The following RIPOR1 variants were observed in gnomAD, a reference collection of about 807,000 sequenced individuals.
The protein encoded by RIPOR1 is RHO family interacting cell polarization regulator 1.
A neutral mutation model predicts 116.5 loss-of-function variants in RIPOR1; 58 were observed. The ratio of observed to expected loss-of-function variants is 0.50; its 90% confidence interval spans 0.40 to 0.62. The LOEUF is 0.62. RIPOR1 is among the 20% of genes least tolerant of loss of function. The pLI is 0.00. For synonymous variants in RIPOR1, 605 were observed against 650.0 expected, an observed-to-expected ratio of 0.93 and a Z score of 1.05; for missense variants, 1,372 against 1,586.2, an observed-to-expected ratio of 0.86 and a Z score of 2.29.
rs1388710313 is a variant in RIPOR1 at position 67,537,832 on chromosome 16, C to T, written c.-23-592C>T. ...CATCGCGCCCAGCTCTGGGAATCCCCCTGCCTGGAGGGCGCCGGGACGCCC... is the reference window on the plus strand; with the variant it reads ...CATCGCGCCCAGCTCTGGGAATCCCTCTGCCTGGAGGGCGCCGGGACGCCC... On this transcript the variant is annotated intron_variant, in intron 1 of 21. Coordinates refer to ENST00000042381, the MANE Select transcript of RIPOR1 (RefSeq NM_024519.4). The surrounding 1 kb of genome is among the most constrained non-coding windows in gnomAD (Gnocchi z 4.6). Among the ~76,000 whole-genome samples the T allele has an allele frequency of 2.0e-5, 3 of 151,974 alleles. No homozygotes were observed. The East Asian group carries it at 5.9e-4, about 30-fold the overall frequency.
At chr16:67,534,835 C>CTTTTTTTTTTTT (rs553858194) in intron 1 of RIPOR1, among the ~76,000 whole-genome samples, 4 of 79,022 alleles carry the variant, frequency 5.1e-5, no homozygotes, top group African/African-American at 1.1e-4. Context: ...TTCTTTTTTT[C>CTTTTTTTTTTTT]TTTTTTTTTT....
chr16:67,543,577 C>G lies in RIPOR1; in HGVS notation c.2600+108C>G. ...ATTGGGAGAAAGTCAAAGGACAGGA[C>G]AGGTGAGGCAGGGCCAGGTGGAGCA... On this transcript the variant is annotated intron_variant, in intron 14 of 21. Coordinates refer to ENST00000042381, the MANE Select transcript of RIPOR1 (RefSeq NM_024519.4). The surrounding 1 kb of genome is among the most constrained non-coding windows in gnomAD (Gnocchi z 4.7). 1 of 1,466,706 alleles carries G rather than the reference C, an allele frequency of 6.8e-7. No individual in the cohort carries two copies. Among genetic ancestry groups the G allele is most frequent in the Non-Finnish European group, 9.2e-7 (1 of 1,091,966 alleles). 90.9% of individuals were successfully genotyped at this position (1,466,706 alleles called of 1,614,324 possible).
intron 1 of RIPOR1, chr16:67,538,156 A>AC (rs2050854104): frequency 5.5e-6 from 2 of 363,742 alleles, no homozygotes; most frequent in Admixed American, 4.7e-5. Context: ...TCCCCGCGCG[A>AC]CCCCCCTTCC....
chr16:67,541,317 G>A lies in RIPOR1; in HGVS notation c.802-113G>A, dbSNP rs77270003. On this transcript the variant is annotated intron_variant, in intron 10 of 21. Transcript: ENST00000042381. The surrounding 1 kb of genome is among the most constrained non-coding windows in gnomAD (Gnocchi z 4.6). ...ACTCCTGGCCTTAAGTGATCCTCCTGCCTCAGCCTCCCATGACCATTTTAT... is the reference window on the plus strand; with the variant it reads ...ACTCCTGGCCTTAAGTGATCCTCCTACCTCAGCCTCCCATGACCATTTTAT... 0.075 allele frequency: 88,217 copies of A among 1,183,292 alleles called. 4,006 individuals are homozygous for A. Among genetic ancestry groups the A allele is most frequent in the Middle Eastern group, 0.092 (306 of 3,336 alleles). 73.3% of individuals were successfully genotyped at this position (1,183,292 alleles called of 1,614,324 possible).
chr16:67,539,078 G>A lies in RIPOR1; in HGVS notation c.336+10G>A, dbSNP rs1300769772. 1.2e-6 allele frequency: 2 copies of A among 1,610,740 alleles called. No individual in the cohort carries two copies. Among genetic ancestry groups the A allele is most frequent in the Admixed American group, 1.7e-5 (1 of 58,932 alleles). ...GAGGAATTCCCGCTTGGTGAGTGGCGGGAGGTACGGATGCCCTTTGCCTCT... is the reference window on the plus strand; with the variant it reads ...GAGGAATTCCCGCTTGGTGAGTGGCAGGAGGTACGGATGCCCTTTGCCTCT... On this transcript the variant is annotated intron_variant, in intron 4 of 21. Transcript: ENST00000042381.
chr16:67,545,952 C>T lies in RIPOR1; in HGVS notation c.3391C>T (p.Leu1131Phe), dbSNP rs755848972. 2 of 1,614,060 alleles carry T rather than the reference C, an allele frequency of 1.2e-6. No individual in the cohort carries two copies. The highest frequency in any genetic ancestry group is 1.7e-6 in the Non-Finnish European group (2 of 1,179,976). The change falls in exon 20 of 22, where the codon CTC becomes TTC. Residue 1131 changes from leucine (L) to phenylalanine (F), a missense_variant. Transcript: ENST00000042381. This position sits in a 1 kb window ranked among gnomAD's most constrained non-coding sequence, Gnocchi z 4.8. ...SLGPTFRERA[L>F]LCFLDQLEDE... ...CTGTCCTCCCACCCTTCCACAGGCC[C>T]TCCTGTGCTTCCTGGACCAGCTGGA...
chr16:67,533,121 G>A (rs959025660), intron 1 of RIPOR1, among the ~76,000 whole-genome samples: 1 of 152,182 alleles, frequency 6.6e-6, no homozygotes, highest in Admixed American at 6.5e-5. Context: ...CATCCAGGAC[G>A]ACTTCTAGTT....
chr16:67,534,125 A>C (rs994323812), intron 1 of RIPOR1, among the ~76,000 whole-genome samples: 8 of 144,800 alleles, frequency 5.5e-5, no homozygotes, highest in Admixed American at 3.5e-4. Flanking sequence ...GGGCTGAGTC[A>C]TTTCTTTTTT....
Position 67,545,037 on chromosome 16 carries a change from C to T in RIPOR1, c.2951C>T (p.Pro984Leu), listed in dbSNP as rs781312153. ...GAGAGACTCAGCTGCTTCCTCTGCC[C>T]GGTGGAGCGGGTGCTTCTCACCTTC... ...CTERLSCFLCPVERVLLTFCN... is the reference protein window; with the variant it reads ...CTERLSCFLCLVERVLLTFCN... Residue 984 changes from proline to leucine, a missense_variant, in exon 17 of 22, where the codon CCG becomes CTG. Coordinates refer to ENST00000042381, the MANE Select transcript of RIPOR1 (RefSeq NM_024519.4). The surrounding 1 kb of genome is among the most constrained non-coding windows in gnomAD (Gnocchi z 4.8). 6.2e-6 allele frequency: 10 copies of T among 1,613,430 alleles called. No individual in the cohort carries two copies. Among genetic ancestry groups the T allele is most frequent in the Non-Finnish European group, 7.6e-6 (9 of 1,180,038 alleles).
In RIPOR1 at chr16:67,546,704, T is replaced by G; in HGVS notation, c.*241T>G. ...ATCAGTGTCTGGGGCTTGGCCACCCTGCCGCTGCCCAGCCACATCCCTTGG... is the reference window on the plus strand; with the variant it reads ...ATCAGTGTCTGGGGCTTGGCCACCCGGCCGCTGCCCAGCCACATCCCTTGG... On this transcript the variant is annotated 3_prime_UTR_variant, in exon 22 of 22. Coordinates refer to ENST00000042381, the MANE Select transcript of RIPOR1 (RefSeq NM_024519.4). 1.8e-6 allele frequency: 1 copy of G among 566,080 alleles called. No individual in the cohort carries two copies. The highest frequency in any genetic ancestry group is 1.9e-5 in the African/African-American group (1 of 53,370). The allele number at this position is 566,080 out of a possible 1,614,324, so 35.1% of individuals were successfully genotyped here.
In RIPOR1 at chr16:67,540,603, C is replaced by T. The variant is rs773208639; in HGVS notation, c.700C>T (p.Arg234Cys). ...GATCTGCATGAAATATGGGCGTCAG[C>T]GCTGGAAACTACGGGGCCGAATTGA... ...YEICMKYGRQ[R>C]WKLRGRIEGS... The change falls in exon 10 of 22, where the codon CGC becomes TGC. Residue 234 changes from arginine (R) to cysteine (C), a missense_variant. Coordinates refer to ENST00000042381, the MANE Select transcript of RIPOR1 (RefSeq NM_024519.4). The surrounding 1 kb of genome is among the most constrained non-coding windows in gnomAD (Gnocchi z 4.7). The T allele has an allele frequency of 6.2e-6, 10 of 1,613,778 alleles. No homozygotes were observed. Among genetic ancestry groups the T allele is most frequent in the African/African-American group, 5.3e-5 (4 of 74,884 alleles).
At chr16:67,538,099 C>A (rs1396253164) in intron 1 of RIPOR1, 2 of 282,922 alleles carry the variant, frequency 7.1e-6, no homozygotes, top group Non-Finnish European at 1.3e-5. Context: ...TCCGCACATT[C>A]TTCGCGCGCG....
Position 67,544,899 on chromosome 16 carries a change from C to G in RIPOR1, c.2870-57C>G. 6.2e-7 allele frequency: 1 copy of G among 1,602,496 alleles called. No homozygotes were observed. Among genetic ancestry groups the G allele is most frequent in the Non-Finnish European group, 8.5e-7 (1 of 1,173,352 alleles). On this transcript the variant is annotated intron_variant, in intron 16 of 21. Transcript: ENST00000042381. The surrounding 1 kb of genome is among the most constrained non-coding windows in gnomAD (Gnocchi z 5.1). Reference sequence around the variant, plus strand: ...TCCTACCTCAGCCTACTGCCATCTGCATGCTCTCTACTCACCTGCCTGCCT... The same window carrying G: ...TCCTACCTCAGCCTACTGCCATCTGGATGCTCTCTACTCACCTGCCTGCCT...
Position 67,543,743 on chromosome 16 carries a change from C to T in RIPOR1, c.2600+274C>T. The T allele has an allele frequency of 1.9e-6, 1 of 522,260 alleles. No individual in the cohort carries two copies. Among genetic ancestry groups the T allele is most frequent in the Non-Finnish European group, 3.5e-6 (1 of 289,022 alleles). 32.4% of individuals were successfully genotyped at this position (522,260 alleles called of 1,614,324 possible). ...GCAATGTCTGCCTCCCCTGCCGGTC[C>T]CCATCAGCTTGGGTGCCTCCAGCCC... On this transcript the variant is annotated intron_variant, in intron 14 of 21. Coordinates refer to ENST00000042381, the MANE Select transcript of RIPOR1 (RefSeq NM_024519.4). The surrounding 1 kb of genome is among the most constrained non-coding windows in gnomAD (Gnocchi z 4.7).
In RIPOR1 at chr16:67,544,405, C is replaced by G; in HGVS notation, c.2707C>G (p.Leu903Val). The change falls in exon 15 of 22, where the codon CTG becomes GTG. Residue 903 changes from leucine (L) to valine (V), a missense_variant. This residue lies in a region of RIPOR1 where 1,005 missense variants were observed against 1,144.7 expected (regional missense o/e 0.88). Transcript: ENST00000042381. This position sits in a 1 kb window ranked among gnomAD's most constrained non-coding sequence, Gnocchi z 5.1. ...PALDAALVRH[L>V]YHCSRLLLKL... ...TCTGGATGCTGCCTTGGTCCGGCAC[C>G]TGTACCACTGCAGTCGCCTCCTGCT... 1 of 1,612,302 alleles carries G rather than the reference C, an allele frequency of 6.2e-7. No homozygotes were observed. Among genetic ancestry groups the G allele is most frequent in the Non-Finnish European group, 8.5e-7 (1 of 1,179,636 alleles).
chr16:67,539,657 G>A (rs201704375), intron 4 of RIPOR1, 71 bp from the exon 5 acceptor site: 581 of 1,569,492 alleles, frequency 3.7e-4, no homozygotes, highest in Non-Finnish European at 4.6e-4. Context: ...GAGCTGTGAC[G>A]AGTCTGAGTG....
At position 67,546,378 on chromosome 16, in the gene RIPOR1, A is replaced by G; in HGVS notation, c.3575A>G (p.Gln1192Arg). Residue 1192 changes from glutamine to arginine, a missense_variant, in exon 22 of 22, where the codon CAG becomes CGG. Physicochemically the swap from Gln to Arg is conservative, Grantham distance 43. Coordinates refer to ENST00000042381, the MANE Select transcript of RIPOR1 (RefSeq NM_024519.4). ...QSLQQCGEEG[Q>R]SAHRRLEESL... ...TCACTCATTACAGGAGAAGAGGGAC[A>G]GTCTGCCCATCGACGGCTGGAGGAG... 2 of 1,614,056 alleles carry G rather than the reference A, an allele frequency of 1.2e-6. No individual in the cohort carries two copies. The highest frequency in any genetic ancestry group is 1.7e-6 in the Non-Finnish European group (2 of 1,180,006).
chr16:67,541,280 A>G lies in RIPOR1; in HGVS notation c.802-150A>G. The G allele has an allele frequency of 1.3e-6, 1 of 742,212 alleles. No individual in the cohort carries two copies. Among genetic ancestry groups the G allele is most frequent in the Non-Finnish European group, 2.1e-6 (1 of 467,476 alleles). 46.0% of individuals were successfully genotyped at this position (742,212 alleles called of 1,614,324 possible). On this transcript the variant is annotated intron_variant, in intron 10 of 21. Transcript: ENST00000042381. This position sits in a 1 kb window ranked among gnomAD's most constrained non-coding sequence, Gnocchi z 4.6. ...AGACAGAGTCTTGCCATGTTGCCCA[A>G]GCTGGTCTTGAACTCCTGGCCTTAA... is the stretch of plus-strand genomic sequence containing the variant.
chr16:67,523,394 C>T (rs930156041), intron 1 of RIPOR1, among the ~76,000 whole-genome samples: 4 of 151,514 alleles, frequency 2.6e-5, no homozygotes, highest in Non-Finnish European at 4.4e-5. Context: ...GGCATGGTGG[C>T]GCGTGCCTGT....
Sources: gnomAD v4.1 joint callset for allele counts (sites outside exome capture counted in the v4.1 genomes callset) on GRCh38, gnomAD v4.1.1 for gene constraint, gnomAD v4.1.1 regional missense constraint, Gnocchi (gnomAD v3.1) non-coding constraint, MANE v1.5 for transcripts, NCBI Gene and HGNC (gene_info 2026-07-23, HGNC 2026-07-21) for gene names.